FOXJ2: variants seen among roughly 807,000 people sequenced by gnomAD.
FOXJ2 encodes forkhead box J2, also known as forkhead box protein J2.
Under a neutral mutation model 68.4 loss-of-function variants are expected in FOXJ2, and 18 were observed. The ratio of observed to expected loss-of-function variants is 0.26; its 90% CI spans 0.18 to 0.39. The LOEUF is 0.39. FOXJ2 is among the 10% of genes least tolerant of loss of function. The pLI, the probability that FOXJ2 is intolerant of heterozygous loss-of-function variation, is 1.00. For missense variants in FOXJ2, 670 were observed against 726.5 expected, an observed-to-expected ratio of 0.92 and a Z score of 0.89; for synonymous variants, 274 against 263.2, an observed-to-expected ratio of 1.04 and a Z score of -0.40.
Position 8,047,939 on chromosome 12 carries a change from A to G in FOXJ2, c.875A>G (p.Gln292Arg). 1 of 1,613,066 alleles carries G rather than the reference A, an allele frequency of 6.2e-7. No homozygotes were observed. The highest frequency in any genetic ancestry group is 8.5e-7 in the Non-Finnish European group (1 of 1,179,418). ...PPSNNYYMYQ[Q>R]QQPPPPQQQQ... Reference sequence around the variant, plus strand: ...TCGAACAACTACTACATGTATCAGCAGCAGCAGCCACCGCCACCTCAACAG... The same window carrying G: ...TCGAACAACTACTACATGTATCAGCGGCAGCAGCCACCGCCACCTCAACAG... Residue 292 changes from glutamine to arginine, a missense_variant, in exon 7 of 11, where the codon CAG (glutamine) becomes CGG (arginine). Physicochemically the swap from Gln to Arg is conservative, Grantham distance 43. Coordinates refer to ENST00000162391, the MANE Select transcript of FOXJ2 (RefSeq NM_018416.3).
Position 8,043,738 on chromosome 12 carries a change from C to T in FOXJ2, c.446C>T (p.Ser149Phe). ...ACAATTGACACCTGCCCTGACATTT[C>T]CCGAAAGAGAAGACACCCTCCAGAT... Reference protein sequence around the residue: ...YWTIDTCPDISRKRRHPPDDD... With the variant: ...YWTIDTCPDIFRKRRHPPDDD... Residue 149 changes from serine (S) to phenylalanine (F), a missense_variant, in exon 4 of 11, where the codon TCC (serine) becomes TTC (phenylalanine). Coordinates refer to ENST00000162391, the MANE Select transcript of FOXJ2 (RefSeq NM_018416.3). 1 of 1,614,174 alleles carries T rather than the reference C, an allele frequency of 6.2e-7. No homozygotes were observed. The highest frequency in any genetic ancestry group is 2.2e-5 in the East Asian group (1 of 44,882).
chr12:8,032,915 C>G lies in FOXJ2; in HGVS notation c.-933C>G, dbSNP rs1365683262. On this transcript the variant is annotated 5_prime_UTR_variant, in exon 1 of 11. Transcript: ENST00000162391. This position sits in a 1 kb window ranked among gnomAD's most constrained non-coding sequence, Gnocchi z 4.8. ...AGTAGCAGGGACCGGAGTCTCGAGC[C>G]GCGGCCTCCCGGACCGTGCTGCCCA... 2 of 397,888 alleles carry G rather than the reference C, an allele frequency of 5.0e-6. No homozygotes were observed. The highest frequency in any genetic ancestry group is 4.4e-5 in the Admixed American group (1 of 22,682). The allele number at this position is 397,888 out of a possible 1,614,324, so 24.6% of individuals were successfully genotyped here. A position where few individuals can be genotyped will look rare whatever the true frequency, so the allele number is the denominator to read the frequency against.
At chr12:8,037,145 G>C (rs950298534) in intron 1 of FOXJ2, among the ~76,000 whole-genome samples, 1 of 152,144 alleles carries the variant, frequency 6.6e-6, no homozygotes, top group African/African-American at 2.4e-5. Flanking sequence ...GAGAGGCACG[G>C]ATGGTTAGGG....
intron 7 of FOXJ2, 115 bp downstream of exon 7, chr12:8,048,404 C>T (rs1947069996): frequency 6.8e-7 from 1 of 1,461,858 alleles, no homozygotes; most frequent in East Asian, 2.3e-5. Context: ...TTAGGCTTCG[C>T]TCCTTCATGT....
At chr12:8,052,087 A>G (rs1468697426) in intron 10 of FOXJ2, among the ~76,000 whole-genome samples, 1 of 151,794 alleles carries the variant, frequency 6.6e-6, no homozygotes, top group Non-Finnish European at 1.5e-5. Context: ...AGTCTGGTCT[A>G]GAACTCCTGA....
At position 8,042,684 on chromosome 12, in the gene FOXJ2, C is replaced by T; in HGVS notation, c.360C>T (p.Leu120=). ...WKNSIRHNLS[L]NKCFRKVPRP... is the part of the protein sequence containing the mutation. ...ATTCAATACGGCACAACCTTTCTCT[C>T]AACAAGTGTTTCCGGAAGGTGCCCA... The change falls in exon 3 of 11, where the codon CTC becomes CTT. Residue 120 remains leucine (L), a synonymous_variant. Transcript: ENST00000162391. 6.2e-7 allele frequency: 1 copy of T among 1,614,162 alleles called. No individual in the cohort carries two copies. The highest frequency in any genetic ancestry group is 8.5e-7 in the Non-Finnish European group (1 of 1,180,022).
In FOXJ2 at chr12:8,043,707, T is replaced by C; in HGVS notation, c.415T>C (p.Tyr139His). The C allele has an allele frequency of 6.2e-7, 1 of 1,614,210 alleles. No homozygotes were observed. Among genetic ancestry groups the C allele is most frequent in the Non-Finnish European group, 8.5e-7 (1 of 1,180,028 alleles). Residue 139 changes from tyrosine (Y) to histidine (H), a missense_variant, in exon 4 of 11, where the codon TAT (tyrosine) becomes CAT (histidine). Coordinates refer to ENST00000162391, the MANE Select transcript of FOXJ2 (RefSeq NM_018416.3). The part of the protein sequence containing the change: ...RPRDDPGKGS[Y>H]WTIDTCPDIS... Reference sequence around the variant, plus strand: ...GAATGGGATCTCCTTCCAGGGTTCCTATTGGACAATTGACACCTGCCCTGA... The same window carrying C: ...GAATGGGATCTCCTTCCAGGGTTCCCATTGGACAATTGACACCTGCCCTGA...
At position 8,047,924 on chromosome 12, in the gene FOXJ2, A is replaced by G. The variant is rs939961730; in HGVS notation, c.860A>G (p.Tyr287Cys). 4 of 1,611,844 alleles carry G rather than the reference A, an allele frequency of 2.5e-6. No individual in the cohort carries two copies. The highest frequency in any genetic ancestry group is 3.4e-6 in the Non-Finnish European group (4 of 1,178,666). Residue 287 changes from tyrosine to cysteine, a missense_variant, in exon 7 of 11, where the codon TAC becomes TGC. Tyr to Cys is a radical substitution (Grantham distance 194, BLOSUM62 -2). Transcript: ENST00000162391. ...LLGDIPPSNNYYMYQQQQPPP... is the reference protein window; with the variant it reads ...LLGDIPPSNNCYMYQQQQPPP... ...GGGGACATCCCACCCTCGAACAACTACTACATGTATCAGCAGCAGCAGCCA... is the reference window on the plus strand; with the variant it reads ...GGGGACATCCCACCCTCGAACAACTGCTACATGTATCAGCAGCAGCAGCCA...
chr12:8,047,876 C>A lies in FOXJ2; in HGVS notation c.818-6C>A. The A allele has an allele frequency of 6.4e-7, 1 of 1,565,858 alleles. No individual in the cohort carries two copies. The highest frequency in any genetic ancestry group is 8.7e-7 in the Non-Finnish European group (1 of 1,150,242). ...AGTCACTTGCCTGCTTCCTCCCCAC[C>A]TGCAGGCTTTTCTTCTCTCCTGGGG... On this transcript the variant is annotated splice_polypyrimidine_tract_variant and splice_region_variant and intron_variant, in intron 6 of 10. Coordinates refer to ENST00000162391, the MANE Select transcript of FOXJ2 (RefSeq NM_018416.3).
chr12:8,051,117 CTT>C lies in FOXJ2; in HGVS notation c.1636+498_1636+499del, dbSNP rs1947119870. Among the ~76,000 whole-genome samples the C allele has an allele frequency of 1.1e-4, 7 of 64,476 alleles. No individual in the cohort carries two copies. The South Asian group carries it at 1.4e-3, about 13-fold the overall frequency. 42.3% of individuals were successfully genotyped at this position (64,476 alleles called of 152,430 possible). A position where few individuals can be genotyped will look rare whatever the true frequency, so the allele number is the denominator to read the frequency against. ...TCCCTTCCCCTTCCCCTTCCCTTCC[CTT>C]CCCTTTCCCTTCCCCTTTTCTTTTC... On this transcript the variant is annotated intron_variant, in intron 10 of 10. Coordinates refer to ENST00000162391, the MANE Select transcript of FOXJ2 (RefSeq NM_018416.3).
rs188118731 is a variant in FOXJ2, at chr12:8,035,578, A to T, written c.-15+1745A>T. Among the ~76,000 whole-genome samples, 22 of 152,326 alleles carry T rather than the reference A, an allele frequency of 1.4e-4. No homozygotes were observed. Among genetic ancestry groups the T allele is most frequent in the Admixed American group, 1.3e-3 (20 of 15,300 alleles). On this transcript the variant is annotated intron_variant, in intron 1 of 10. Coordinates refer to ENST00000162391, the MANE Select transcript of FOXJ2 (RefSeq NM_018416.3). The surrounding 1 kb of genome is among the most constrained non-coding windows in gnomAD (Gnocchi z 4.0). ...GCTGGTTAACAGCAGCCTGTTTCTT[A>T]TAAAGTACTTCACCAGATGCTGGCG...
chr12:8,048,676 A>G (rs1591580606), intron 7 of FOXJ2, 21 bp from the exon 8 acceptor site: 1 of 1,600,906 alleles, frequency 6.2e-7, no homozygotes, highest in East Asian at 2.2e-5. Flanking sequence ...CTTATTATCC[A>G]CTTTCCCCTC....
chr12:8,048,269 C>T lies in FOXJ2; in HGVS notation c.1205C>T (p.Pro402Leu), dbSNP rs1335447110. 1 of 1,576,376 alleles carries T rather than the reference C, an allele frequency of 6.3e-7. No homozygotes were observed. Among genetic ancestry groups the T allele is most frequent in the Non-Finnish European group, 8.6e-7 (1 of 1,160,992 alleles). The change falls in exon 7 of 11, where the codon CCC (proline) becomes CTC (leucine). Residue 402 changes from proline (P) to leucine (L), a missense_variant. By Grantham distance (98) the Pro-to-Leu change is moderately conservative. This residue lies in a region of FOXJ2 where 555 missense variants were observed against 562.2 expected (regional missense o/e 0.99). Transcript: ENST00000162391. ...PPQPQAQGQA[P>L]INNTGFAFPS... The stretch of plus-strand genomic sequence containing the variant: ...CAGCCACAGGCACAAGGCCAGGCTC[C>T]CATCAACAACACTGGCTTTGGTGAG...
intron 4 of FOXJ2, 91 bp downstream of exon 4, chr12:8,043,860 G>A (rs1409098673): frequency 1.2e-6 from 2 of 1,601,858 alleles, no homozygotes; most frequent in Admixed American, 3.5e-5. Context: ...CAGAGGCAAA[G>A]GTGGAAGGAA....
Position 8,048,304 on chromosome 12 carries a change from T to A in FOXJ2, c.1225+15T>A, listed in dbSNP as rs749334036. 1.0e-5 allele frequency: 16 copies of A among 1,538,944 alleles called. No homozygotes were observed. In the Admixed American group the frequency reaches 3.3e-4, roughly 31 times the overall value. On this transcript the variant is annotated intron_variant, in intron 7 of 10. Coordinates refer to ENST00000162391, the MANE Select transcript of FOXJ2 (RefSeq NM_018416.3). ...CACTGGCTTTGGTGAGTAAGGAGGG[T>A]GCACAGTGATCTAGAGGAGGGTGGG...
intron 2 of FOXJ2, among the ~76,000 whole-genome samples, chr12:8,042,193 A>G (rs143175014): frequency 0.012 from 1,847 of 152,216 alleles, 32 homozygotes; most frequent in African/African-American, 0.04. Flanking sequence ...ACACTTATAC[A>G]ATATTTCTTT....
At chr12:8,043,238 A>AAAAAT (rs1946989264) in intron 3 of FOXJ2, among the ~76,000 whole-genome samples, 1 of 149,816 alleles carries the variant, frequency 6.7e-6, no homozygotes, top group African/African-American at 2.5e-5. Flanking sequence ...AAAAAAAAAA[A>AAAAAT]GACTGTGAAA....
chr12:8,041,460 A>G (rs111815229), intron 2 of FOXJ2, among the ~76,000 whole-genome samples: 8 of 151,054 alleles, frequency 5.3e-5, no homozygotes, highest in African/African-American at 1.9e-4. Flanking sequence ...CTCCTGCCTC[A>G]GCCTCCCAAA....
In FOXJ2 at chr12:8,052,781, G is replaced by T. The variant is rs771172744; in HGVS notation, c.1656G>T (p.Arg552=). 5.6e-6 allele frequency: 9 copies of T among 1,609,788 alleles called. No homozygotes were observed. Among genetic ancestry groups the T allele is most frequent in the Admixed American group, 1.7e-5 (1 of 59,716 alleles). ...YNRPAHHMVP[R]PSVPPPGANE... is the part of the protein sequence containing the mutation. ...TAACAGCACACCATATGGTCCCTCGGCCATCAGTGCCACCTCCTGGTGCCA... is the reference window on the plus strand; with the variant it reads ...TAACAGCACACCATATGGTCCCTCGTCCATCAGTGCCACCTCCTGGTGCCA... Residue 552 remains arginine (R), a synonymous_variant, in exon 11 of 11, where the codon CGG becomes CGT. Coordinates refer to ENST00000162391, the MANE Select transcript of FOXJ2 (RefSeq NM_018416.3).
Sources: allele counts gnomAD v4.1 joint callset (sites outside exome capture counted in the v4.1 genomes callset), GRCh38; gene constraint gnomAD v4.1.1; regional missense constraint gnomAD v4.1.1; non-coding constraint Gnocchi (gnomAD v3.1); transcripts MANE v1.5; gene names NCBI Gene and HGNC (gene_info 2026-07-23, HGNC 2026-07-21).